The following JAG2 variants were observed in gnomAD, a reference collection of about 807,000 sequenced individuals.
JAG2 encodes the protein jagged canonical Notch ligand 2, also known as protein jagged-2.
Under a neutral mutation model 141.7 loss-of-function variants are expected in JAG2, and 46 were observed. That is an observed-to-expected ratio of 0.32 (90% CI 0.26 to 0.42). The LOEUF (loss-of-function observed/expected upper bound fraction) is 0.42. Ranked by LOEUF, JAG2 falls within the 10% of genes least tolerant of loss-of-function variation. The probability of loss-of-function intolerance (pLI) is 1.00; values close to 1 mark genes in which losing one functional copy is unlikely to be tolerated. For synonymous variants in JAG2, 862 were observed against 763.5 expected (o/e 1.13, Z -2.13); for missense variants, 1,500 against 1,817.5 (o/e 0.83, Z 3.18).
intron 1 of JAG2, 24 bp from the exon 2 acceptor site, chr14:105,168,131 C>T: frequency 6.7e-7 from 1 of 1,485,734 alleles, no homozygotes; most frequent in Non-Finnish European, 8.9e-7. Flanking sequence ...AGCGGGAGAG[C>T]GGAGGGAGGC....
At chr14:105,143,245 T>TGGGAGGGCCCTGCGGGCCAGGC in intron 25 of JAG2, 75 bp from the exon 26 acceptor site, 1 of 1,508,910 alleles carries the variant, frequency 6.6e-7, no homozygotes, top group Non-Finnish European at 9.0e-7. Flanking sequence ...CACCCAGGCC[T>TGGGAGGGCCCTGCGGGCCAGGC]GGGAGGGCCC....
At chr14:105,151,179 G>A (rs1322388655) in intron 9 of JAG2, 75 bp from the exon 10 acceptor site, 37 of 1,362,950 alleles carry the variant, frequency 2.7e-5, no homozygotes, top group East Asian at 2.2e-4. Context: ...CCTGGCACCC[G>A]CAGCCCAGCA....
At position 105,154,358 on chromosome 14, in the gene JAG2, C is replaced by A. The variant is rs944248184; in HGVS notation, c.788+1204G>T. Reference sequence around the variant, plus strand: ...CCTGCTGTCTCTCCACCCGCTCGCGCCCCTCTCTCGGGCTCCCCAGCTTGC... The same window carrying A: ...CCTGCTGTCTCTCCACCCGCTCGCGACCCTCTCTCGGGCTCCCCAGCTTGC... On this transcript the variant is annotated intron_variant, in intron 5 of 25. Coordinates refer to ENST00000331782, the MANE Select transcript of JAG2 (RefSeq NM_002226.5). This position sits in a 1 kb window ranked among gnomAD's most constrained non-coding sequence, Gnocchi z 4.4. Among the ~76,000 whole-genome samples, 2 of 152,160 alleles carry A rather than the reference C, an allele frequency of 1.3e-5. No homozygotes were observed. Among genetic ancestry groups the A allele is most frequent in the African/African-American group, 4.8e-5 (2 of 41,434 alleles).
At position 105,150,976 on chromosome 14, in the gene JAG2, ACC is replaced by A; in HGVS notation, c.1381+13_1381+14del. The A allele has an allele frequency of 6.2e-7, 1 of 1,608,322 alleles. No individual in the cohort carries two copies. Among genetic ancestry groups the A allele is most frequent in the Admixed American group, 1.7e-5 (1 of 59,520 alleles). ...TGCCTCGGCCCACCCGCCGGCGCCCACCCCCCATACTGACTGATATGGCAGTT... is the reference window on the plus strand; with the variant it reads ...TGCCTCGGCCCACCCGCCGGCGCCCACCCCATACTGACTGATATGGCAGTT... On this transcript the variant is annotated intron_variant, in intron 10 of 25. Coordinates refer to ENST00000331782, the MANE Select transcript of JAG2 (RefSeq NM_002226.5).
intron 5 of JAG2, among the ~76,000 whole-genome samples, chr14:105,155,162 C>T (rs1340255661): frequency 6.6e-6 from 1 of 151,866 alleles, no homozygotes; most frequent in African/African-American, 2.4e-5. Flanking sequence ...TCAGCTCCCA[C>T]CACTGGTCTG....
At chr14:105,161,020 A>C (rs1260216553) in intron 2 of JAG2, among the ~76,000 whole-genome samples, 6 of 152,210 alleles carry the variant, frequency 3.9e-5, no homozygotes, top group Non-Finnish European at 8.8e-5. Flanking sequence ...GTCATACCAC[A>C]GATCCAGACC....
intron 21 of JAG2, 43 bp downstream of exon 21, chr14:105,146,568 C>G: frequency 6.2e-7 from 1 of 1,600,078 alleles, no homozygotes; most frequent in Non-Finnish European, 8.6e-7. Flanking sequence ...GTCACCCATG[C>G]CCCCCAACCC....
chr14:105,168,232 G>A, intron 1 of JAG2, 123 bp downstream of exon 1: 3 of 758,086 alleles, frequency 4.0e-6, no homozygotes, highest in Non-Finnish European at 4.8e-6. Context: ...CGGAGCCCCA[G>A]CCGCCGCGCG....
Position 105,167,549 on chromosome 14 carries a change from TCCCGGTGGCCCCGGGGC to T in JAG2, c.417+191_417+207del, listed in dbSNP as rs946251288. On this transcript the variant is annotated intron_variant, in intron 2 of 25. Coordinates refer to ENST00000331782, the MANE Select transcript of JAG2 (RefSeq NM_002226.5). This position sits in a 1 kb window ranked among gnomAD's most constrained non-coding sequence, Gnocchi z 4.8. The stretch of plus-strand genomic sequence containing the variant: ...CGCCCCGCCCCCGCCGCGACCCCGC[TCCCGGTGGCCCCGGGGC>T]CCCGGCGCGCCCACGTGGCCAGGCG... 3.5e-5 allele frequency among the ~76,000 whole-genome samples: 5 copies of T among 144,868 alleles called. No individual in the cohort carries two copies. Among genetic ancestry groups the T allele is most frequent in the Non-Finnish European group, 7.6e-5 (5 of 65,722 alleles).
chr14:105,156,324 C>T (rs145469031), intron 3 of JAG2, among the ~76,000 whole-genome samples: 241 of 152,230 alleles, frequency 1.6e-3, no homozygotes, highest in African/African-American at 5.6e-3. Context: ...GTGAGTCTCA[C>T]GTCCCACACC....
intron 2 of JAG2, among the ~76,000 whole-genome samples, chr14:105,158,942 C>T (rs971061683): frequency 2.0e-5 from 3 of 152,084 alleles, no homozygotes; most frequent in South Asian, 2.1e-4. Flanking sequence ...CCCAACCCCA[C>T]GCCTGCCAGC....
intron 12 of JAG2, 88 bp downstream of exon 12, chr14:105,150,516 G>A (rs999308709): frequency 3.0e-6 from 4 of 1,337,874 alleles, no homozygotes; most frequent in Non-Finnish European, 4.1e-6. Flanking sequence ...AGCACCCCTG[G>A]GTCACTCAGG....
chr14:105,164,271 C>T (rs914816704), intron 2 of JAG2, among the ~76,000 whole-genome samples: 2 of 152,208 alleles, frequency 1.3e-5, no homozygotes, highest in South Asian at 2.1e-4. Context: ...CCCACCCTGC[C>T]CCCATACCAA....
intron 2 of JAG2, among the ~76,000 whole-genome samples, chr14:105,160,855 C>T (rs1255330309): frequency 6.8e-6 from 1 of 147,530 alleles, no homozygotes; most frequent in African/African-American, 2.5e-5. Flanking sequence ...GAGGGCAAAA[C>T]TCCATCTCAA....
chr14:105,161,998 G>A (rs1167399339), intron 2 of JAG2, among the ~76,000 whole-genome samples: 3 of 152,200 alleles, frequency 2.0e-5, no homozygotes, highest in African/African-American at 4.8e-5. Flanking sequence ...TGGATTGGGC[G>A]GGGGTTGGCG....
intron 18 of JAG2, 72 bp downstream of exon 18, chr14:105,147,700 G>T: frequency 8.4e-7 from 1 of 1,183,590 alleles, no homozygotes. Context: ...AGGGACTGGG[G>T]GGCGAGTCGG....
chr14:105,143,963 G>C (rs1273092919), intron 24 of JAG2, among the ~76,000 whole-genome samples: 2 of 145,968 alleles, frequency 1.4e-5, no homozygotes, highest in Non-Finnish European at 3.0e-5. Context: ...ACAGCCCAGG[G>C]TCCTGCGGTG....
At chr14:105,162,431 G>A (rs961027272) in intron 2 of JAG2, among the ~76,000 whole-genome samples, 2 of 46,730 alleles carry the variant, frequency 4.3e-5, no homozygotes, top group Admixed American at 3.7e-4. Context: ...CCAGAGGACA[G>A]GCAGACAAGA....
intron 2 of JAG2, among the ~76,000 whole-genome samples, chr14:105,166,530 G>C (rs587768282): frequency 1.3e-5 from 2 of 152,224 alleles, no homozygotes; most frequent in Non-Finnish European, 2.9e-5. Flanking sequence ...AGGGATACTC[G>C]GCGGGGTGCT....
Sources: allele counts gnomAD v4.1 joint callset (sites outside exome capture counted in the v4.1 genomes callset), GRCh38; gene constraint gnomAD v4.1.1; non-coding constraint Gnocchi (gnomAD v3.1); transcripts MANE v1.5; gene names NCBI Gene and HGNC (gene_info 2026-07-23, HGNC 2026-07-21).